The following TASP1 variants were observed in gnomAD, a reference collection of about 807,000 sequenced individuals.
TASP1 encodes taspase 1, also known as threonine aspartase 1.
Under a neutral mutation model 56.6 loss-of-function variants are expected in TASP1, and 16 were observed. The observed-to-expected ratio is 0.28, with a 90% CI of 0.19 to 0.43. The LOEUF (loss-of-function observed/expected upper bound fraction) is 0.43. TASP1 is among the 20% of genes least tolerant of loss of function. The pLI is 1.00. For synonymous variants in TASP1, 179 were observed against 184.2 expected (o/e 0.97, Z 0.23); for missense variants, 393 against 511.6 (o/e 0.77, Z 2.24).
the TASP1 span, chr20:13,168,192 T>G: frequency 1.3e-5 from 2 of 151,692 alleles, no homozygotes; most frequent in Non-Finnish European, 2.9e-5. Flanking sequence ...TTTTTTTTTT[T>G]TTTTTGAGAC....
chr20:13,250,711 C>G, the TASP1 span, among the ~76,000 whole-genome samples: 3 of 152,306 alleles, frequency 2.0e-5, no homozygotes, highest in Admixed American at 6.5e-5. Context: ...ATCTTGCTCC[C>G]TATTGTATTT....
At chr20:13,347,045 T>C in the TASP1 span, among the ~76,000 whole-genome samples, 1 of 152,242 alleles carries the variant, frequency 6.6e-6, no homozygotes. Context: ...AAAGTGTTGA[T>C]ATGGTAACTG....
chr20:13,311,287 A>ATAC, the TASP1 span, among the ~76,000 whole-genome samples: 1 of 152,136 alleles, frequency 6.6e-6, no homozygotes, highest in African/African-American at 2.4e-5. Flanking sequence ...ATAGATAATA[A>ATAC]AATATTTGTA....
chr20:13,199,762 T>C, the TASP1 span, among the ~76,000 whole-genome samples: 1 of 152,200 alleles, frequency 6.6e-6, no homozygotes, highest in Non-Finnish European at 1.5e-5. Flanking sequence ...GGGTGAAGCC[T>C]GTGTTCAAGA....
intron 4 of TASP1, among the ~76,000 whole-genome samples, chr20:13,601,009 C>T (rs1204182584): frequency 6.6e-6 from 1 of 152,152 alleles, no homozygotes; most frequent in Non-Finnish European, 1.5e-5. Flanking sequence ...GGTGTGGTGG[C>T]TCACGCCTGT....
At chr20:13,227,487 G>T in the TASP1 span, among the ~76,000 whole-genome samples, 1 of 147,682 alleles carries the variant, frequency 6.8e-6, no homozygotes, top group Non-Finnish European at 1.5e-5. Flanking sequence ...ACAGGTGTGA[G>T]CCACCATGCC....
intron 11 of TASP1, among the ~76,000 whole-genome samples, chr20:13,446,100 T>C (rs766798576): frequency 3.0e-4 from 46 of 152,102 alleles, no homozygotes; most frequent in Admixed American, 1.3e-3. Flanking sequence ...CACAGTTGTA[T>C]GACAGGTATG....
chr20:13,384,700 CT>C (rs1234733783), downstream of TASP1, among the ~76,000 whole-genome samples: 7 of 152,180 alleles, frequency 4.6e-5, no homozygotes, highest in Admixed American at 1.3e-4. Flanking sequence ...TTCACTCCCC[CT>C]ATAGCCCACT....
At chr20:13,251,855 G>C in the TASP1 span, among the ~76,000 whole-genome samples, 1 of 152,156 alleles carries the variant, frequency 6.6e-6, no homozygotes, top group Non-Finnish European at 1.5e-5. Context: ...CGAACTCTTA[G>C]TAACTGAATA....
At chr20:13,141,627 C>T in the TASP1 span, among the ~76,000 whole-genome samples, 1 of 152,222 alleles carries the variant, frequency 6.6e-6, no homozygotes, top group African/African-American at 2.4e-5. Flanking sequence ...AGGCCCTTGG[C>T]ATTGTTGACA....
chr20:13,352,447 C>CAA, the TASP1 span, among the ~76,000 whole-genome samples: 23 of 85,378 alleles, frequency 2.7e-4, no homozygotes, highest in African/African-American at 4.9e-4. Flanking sequence ...AAGACTGTCT[C>CAA]AAAAAAAAAA....
the TASP1 span, among the ~76,000 whole-genome samples, chr20:13,144,307 GA>G: frequency 6.6e-6 from 1 of 152,116 alleles, no homozygotes; most frequent in Non-Finnish European, 1.5e-5. Flanking sequence ...GAAAATAGTG[GA>G]CACACTGATA....
At chr20:13,329,680 T>C in the TASP1 span, among the ~76,000 whole-genome samples, 59,891 of 151,978 alleles carry the variant, frequency 0.39, 14,078 homozygotes, top group African/African-American at 0.66. Flanking sequence ...TTAAAGATTC[T>C]TGGGGATTTT....
chr20:13,509,470 TGA>T (rs1314602117), intron 10 of TASP1, among the ~76,000 whole-genome samples: 2 of 152,164 alleles, frequency 1.3e-5, no homozygotes, highest in Admixed American at 6.6e-5. Context: ...TGAACTTTGC[TGA>T]GAGAGTAGAT....
chr20:13,220,802 T>G, the TASP1 span, among the ~76,000 whole-genome samples: 2 of 152,190 alleles, frequency 1.3e-5, no homozygotes, highest in African/African-American at 4.8e-5. Flanking sequence ...ACGCATGGCT[T>G]GTCCGGCGCC....
chr20:13,576,394 A>AAGT (rs2046928417), intron 6 of TASP1, among the ~76,000 whole-genome samples: 9 of 147,156 alleles, frequency 6.1e-5, no homozygotes, highest in East Asian at 5.9e-4. Context: ...AGAAAGAAAG[A>AAGT]AAGTCAGTCT....
chr20:13,442,293 GAC>G (rs35295009), intron 11 of TASP1, among the ~76,000 whole-genome samples: 7,459 of 147,524 alleles, frequency 0.051, 564 homozygotes, highest in African/African-American at 0.17. Flanking sequence ...CACAGACACA[GAC>G]ACACACACAC....
chr20:13,318,122 T>C, the TASP1 span, among the ~76,000 whole-genome samples: 1 of 38,454 alleles, frequency 2.6e-5, no homozygotes, highest in East Asian at 6.5e-4. Flanking sequence ...TAAATGTTTC[T>C]GAGGACACTT....
chr20:13,347,979 A>C, the TASP1 span, among the ~76,000 whole-genome samples: 1 of 152,216 alleles, frequency 6.6e-6, no homozygotes, highest in African/African-American at 2.4e-5. Context: ...AGAATGGCAT[A>C]AGGCAGTGGT....
Sources: allele counts gnomAD v4.1 joint callset (sites outside exome capture counted in the v4.1 genomes callset), GRCh38; gene constraint gnomAD v4.1.1; transcripts MANE v1.5; gene names NCBI Gene and HGNC (gene_info 2026-07-23, HGNC 2026-07-21).